Variants in CNTN6 observed in about 807,000 individuals in gnomAD.
CNTN6 encodes contactin-6.
A neutral mutation model predicts 122.8 loss-of-function variants in CNTN6; 137 were observed. The ratio of observed to expected loss-of-function variants is 1.12; its 90% CI spans 0.97 to 1.29. The LOEUF is 1.29. CNTN6 is among the 50% of genes most tolerant of loss of function. The probability of loss-of-function intolerance (pLI) is 0.00; values close to 1 mark genes in which losing one functional copy is unlikely to be tolerated. For missense variants in CNTN6, 1,634 were observed against 1,223.4 expected (o/e 1.34, Z -5.01); for synonymous variants, 570 against 426.0 (o/e 1.34, Z -4.16).
At chr3:1,231,426 A>T (rs2094351364) in intron 4 of CNTN6, among the ~76,000 whole-genome samples, 1 of 152,230 alleles carries the variant, frequency 6.6e-6, no homozygotes, top group Non-Finnish European at 1.5e-5. Context: ...TGTCCATGGC[A>T]GAAACGCTGC....
intron 21 of CNTN6, 62 bp from the exon 22 acceptor site, chr3:1,402,256 C>G: frequency 7.5e-7 from 1 of 1,333,780 alleles, no homozygotes; most frequent in Non-Finnish European, 1.1e-6. Flanking sequence ...TGTTCCAGAA[C>G]AGTTGTGTGA....
chr3:1,268,543 CT>C (rs1356067831), intron 4 of CNTN6, among the ~76,000 whole-genome samples: 1 of 143,116 alleles, frequency 7.0e-6, no homozygotes, highest in African/African-American at 2.7e-5. Context: ...GGAGGAGGAG[CT>C]TGCAGTGAGC....
intron 3 of CNTN6, among the ~76,000 whole-genome samples, chr3:1,221,483 AT>A (rs971167106): frequency 6.6e-6 from 1 of 152,170 alleles, no homozygotes; most frequent in African/African-American, 2.4e-5. Flanking sequence ...AAAAATACTG[AT>A]TTTAGAAAAA....
chr3:1,248,587 A>G (rs770380515), intron 4 of CNTN6, among the ~76,000 whole-genome samples: 1 of 152,174 alleles, frequency 6.6e-6, no homozygotes, highest in Non-Finnish European at 1.5e-5. Context: ...TAGGAGGCCA[A>G]GGTGGGTGGA....
rs148880577 is a variant in CNTN6, at chr3:1,399,958, T to C, written c.2705-1475T>C. On this transcript the variant is annotated intron_variant, in intron 20 of 22. Coordinates refer to ENST00000446702, the MANE Select transcript of CNTN6 (RefSeq NM_001289080.2). ...CACATCCCAACTGGACTGTAAGTGATTGAGTGAACAATAGTGATATCCCAG... is the reference window on the plus strand; with the variant it reads ...CACATCCCAACTGGACTGTAAGTGACTGAGTGAACAATAGTGATATCCCAG... Among the ~76,000 whole-genome samples, 426 of 152,226 alleles carry C rather than the reference T, an allele frequency of 2.8e-3. 1 individual carries two copies. Among genetic ancestry groups the C allele is most frequent in the African/African-American group, 9.7e-3 (404 of 41,564 alleles).
intron 1 of CNTN6, among the ~76,000 whole-genome samples, chr3:1,137,430 T>G (rs901885100): frequency 1.3e-5 from 2 of 152,220 alleles, no homozygotes; most frequent in African/African-American, 4.8e-5. Context: ...TAAGAATCTG[T>G]TAGACTACCA....
intron 20 of CNTN6, among the ~76,000 whole-genome samples, chr3:1,390,271 C>CAACT (rs1346565109): frequency 6.6e-5 from 10 of 152,096 alleles, no homozygotes; most frequent in African/African-American, 2.4e-4. Flanking sequence ...CAAAACCGCT[C>CAACT]AACTACATGG....
Position 1,093,087 on chromosome 3 carries a change from A to C in CNTN6, c.-116A>C, listed in dbSNP as rs1396772405. The C allele has an allele frequency of 3.3e-6, 1 of 302,536 alleles. No individual in the cohort carries two copies. The highest frequency in any genetic ancestry group is 6.6e-6 in the Non-Finnish European group (1 of 152,474). The allele number at this position is 302,536 out of a possible 1,614,324, so 18.7% of individuals were successfully genotyped here. A position where few individuals can be genotyped will look rare whatever the true frequency, so the allele number is the denominator to read the frequency against. On this transcript the variant is annotated 5_prime_UTR_variant, in exon 1 of 23. Transcript: ENST00000446702. ...CTGAGAGCTTGAAACAGAGTTCTGCAGAAAAACTGTAAAGATCCCGAGACA... is the reference window on the plus strand; with the variant it reads ...CTGAGAGCTTGAAACAGAGTTCTGCCGAAAAACTGTAAAGATCCCGAGACA...
chr3:1,355,813 C>T (rs1706457942), intron 12 of CNTN6, among the ~76,000 whole-genome samples: 1 of 151,736 alleles, frequency 6.6e-6, no homozygotes, highest in Admixed American at 6.6e-5. Context: ...TGTTAGATAA[C>T]ATGGAAAAGA....
chr3:1,121,647 T>C (rs2091953816), intron 1 of CNTN6, among the ~76,000 whole-genome samples: 1 of 151,936 alleles, frequency 6.6e-6, no homozygotes, highest in Non-Finnish European at 1.5e-5. Flanking sequence ...TGGTTTGCCT[T>C]TCTGATTTTT....
chr3:1,376,474 CTCT>C (rs1214166736), intron 16 of CNTN6, among the ~76,000 whole-genome samples: 4 of 152,006 alleles, frequency 2.6e-5, no homozygotes, highest in Admixed American at 1.3e-4. Flanking sequence ...AAGAAAATCC[CTCT>C]TCTTCTCTCC....
At chr3:1,093,284 C>T (rs755287331) in intron 1 of CNTN6, among the ~76,000 whole-genome samples, 164 bp downstream of exon 1, 6 of 152,090 alleles carry the variant, frequency 3.9e-5, no homozygotes, top group Non-Finnish European at 8.8e-5. Flanking sequence ...TTCTATGATG[C>T]TGATGTTTAA....
At chr3:1,389,002 C>G (rs1560011598) in intron 20 of CNTN6, among the ~76,000 whole-genome samples, 1 of 144,652 alleles carries the variant, frequency 6.9e-6, no homozygotes, top group Non-Finnish European at 1.5e-5. Flanking sequence ...GGATATTATC[C>G]AGGAGAACTT....
chr3:1,206,567 A>C (rs1022484463), intron 2 of CNTN6, among the ~76,000 whole-genome samples: 1 of 152,126 alleles, frequency 6.6e-6, no homozygotes. Context: ...ATCCCATCTC[A>C]ACCAAATGCA....
chr3:1,182,106 T>C (rs1575145557), intron 2 of CNTN6, among the ~76,000 whole-genome samples: 1 of 152,170 alleles, frequency 6.6e-6, no homozygotes, highest in Non-Finnish European at 1.5e-5. Context: ...TATTTTTATA[T>C]TCATTCATTC....
intron 16 of CNTN6, among the ~76,000 whole-genome samples, chr3:1,376,669 G>A (rs1709913492): frequency 6.6e-6 from 1 of 152,040 alleles, no homozygotes; most frequent in South Asian, 2.1e-4. Flanking sequence ...CAGCTCAACT[G>A]TATAATTAGG....
intron 20 of CNTN6, among the ~76,000 whole-genome samples, chr3:1,397,255 A>T (rs1284792900): frequency 6.6e-6 from 1 of 152,214 alleles, no homozygotes; most frequent in Non-Finnish European, 1.5e-5. Context: ...ATCATAAATT[A>T]TGAAAAGAAC....
chr3:1,384,525 G>GACAAGAACATT (rs776872980), intron 19 of CNTN6, among the ~76,000 whole-genome samples: 3 of 151,772 alleles, frequency 2.0e-5, no homozygotes, highest in Non-Finnish European at 4.4e-5. Flanking sequence ...AAAGTAAAGA[G>GACAAGAACATT]ACAAGAACAT....
intron 4 of CNTN6, among the ~76,000 whole-genome samples, chr3:1,277,451 C>T (rs1337889682): frequency 1.4e-5 from 2 of 138,976 alleles, no homozygotes; most frequent in Non-Finnish European, 3.0e-5. Flanking sequence ...CCTCTGCCTC[C>T]TGGGTTCAAG....
Sources: gnomAD v4.1 joint callset for allele counts (sites outside exome capture counted in the v4.1 genomes callset) on GRCh38, gnomAD v4.1.1 for gene constraint, MANE v1.5 for transcripts, NCBI Gene and HGNC (gene_info 2026-07-23, HGNC 2026-07-21) for gene names.